ATP12A: variants seen among roughly 807,000 people sequenced by gnomAD.
The protein encoded by ATP12A is ATPase H+/K+ transporting non-gastric alpha2 subunit.
In ATP12A, 81 loss-of-function variants were observed where a neutral mutation model predicts 111.2. That is an observed-to-expected ratio of 0.73 (90% CI 0.61 to 0.88). The LOEUF (loss-of-function observed/expected upper bound fraction) is 0.88, where lower values mean the gene tolerates loss of function less well. Ranked by LOEUF, ATP12A falls within the 40% of genes least tolerant of loss-of-function variation. The probability of loss-of-function intolerance (pLI) is 0.00; values close to 1 mark genes in which losing one functional copy is unlikely to be tolerated. For missense variants in ATP12A, 1,196 were observed against 1,313.1 expected (o/e 0.91, Z 1.38); for synonymous variants, 498 against 499.8 (o/e 1.00, Z 0.05).
chr13:24,685,996 A>G lies in ATP12A; in HGVS notation c.228+623A>G, dbSNP rs987304486. On this transcript the variant is annotated intron_variant, in intron 3 of 22. Transcript: ENST00000381946. This position sits in a 1 kb window ranked among gnomAD's most constrained non-coding sequence, Gnocchi z 5.5. Reference sequence around the variant, plus strand: ...AGGAGCTGTCTTAGAGGCAGAAGGGACATGGTTTCCACACATGGAGGTGCT... The same window carrying G: ...AGGAGCTGTCTTAGAGGCAGAAGGGGCATGGTTTCCACACATGGAGGTGCT... Among the ~76,000 whole-genome samples, 1 of 152,218 alleles carries G rather than the reference A, an allele frequency of 6.6e-6. No homozygotes were observed.
intron 5 of ATP12A, 23 bp downstream of exon 5, chr13:24,689,398 C>T: frequency 1.9e-6 from 3 of 1,599,260 alleles, no homozygotes; most frequent in Non-Finnish European, 2.6e-6. Flanking sequence ...CACCTATCCT[C>T]TGGCCTCTGG....
rs1566078297 is a variant in ATP12A, at chr13:24,708,942, A to AAAGAAAGAAAGAAAGG, written c.2494-407_2494-406insGAAGAAAGAAAGAAAG. ...GAAAGAAAGAAAGAAAGAAAGAAAGAAAGAAAGAAAGAAAGAAAGAAGGAA... is the reference window on the plus strand; with the variant it reads ...GAAAGAAAGAAAGAAAGAAAGAAAGAAAGAAAGAAAGAAAGGAAGAAAGAAAGAAAGAAAGAAGGAA... On this transcript the variant is annotated intron_variant, in intron 17 of 22. Coordinates refer to ENST00000381946, the MANE Select transcript of ATP12A (RefSeq NM_001676.7). Among the ~76,000 whole-genome samples, 204 of 107,842 alleles carry AAAGAAAGAAAGAAAGG rather than the reference A, an allele frequency of 1.9e-3. 3 individuals are homozygous for AAAGAAAGAAAGAAAGG. Among genetic ancestry groups the AAAGAAAGAAAGAAAGG allele is most frequent in the African/African-American group, 2.5e-3 (63 of 24,864 alleles). The allele number at this position is 107,842 out of a possible 152,430, so 70.7% of individuals were successfully genotyped here.
chr13:24,684,557 G>A (rs1452405762), intron 2 of ATP12A, among the ~76,000 whole-genome samples: 1 of 152,030 alleles, frequency 6.6e-6, no homozygotes, highest in African/African-American at 2.4e-5. Context: ...GGTTCTCAAA[G>A]GGAGAGGAGA....
rs57405320 is a variant in ATP12A, at chr13:24,703,843, A to ATT, written c.2018+1784_2018+1785dup. Among the ~76,000 whole-genome samples the ATT allele has an allele frequency of 7.7e-4, 99 of 128,454 alleles. 1 individual carries two copies. The Middle Eastern group carries it at 0.017, about 22-fold the overall frequency. 84.3% of individuals were successfully genotyped at this position (128,454 alleles called of 152,430 possible). ...ACTGCACCCAGCTTCATTTTAGCAGATTTTTTTTTTTTTGAGATGGAGTCT... is the reference window on the plus strand; with the variant it reads ...ACTGCACCCAGCTTCATTTTAGCAGATTTTTTTTTTTTTTTGAGATGGAGTCT... On this transcript the variant is annotated intron_variant, in intron 14 of 22. Transcript: ENST00000381946.
intron 4 of ATP12A, 22 bp from the exon 5 acceptor site, chr13:24,689,240 T>A (rs748831310): frequency 6.2e-7 from 1 of 1,606,640 alleles, no homozygotes; most frequent in Non-Finnish European, 8.5e-7. Context: ...TTTCTCTGAC[T>A]GACGCCCTCC....
In ATP12A at chr13:24,685,393, G is replaced by T. The variant is rs1037535183; in HGVS notation, c.228+20G>T. Reference sequence around the variant, plus strand: ...ATTATGGTGAGTCGTGGGAACCAGGGATTTGGAAGAGAAGCCTCCCAACTC... The same window carrying T: ...ATTATGGTGAGTCGTGGGAACCAGGTATTTGGAAGAGAAGCCTCCCAACTC... On this transcript the variant is annotated intron_variant, in intron 3 of 22. Coordinates refer to ENST00000381946, the MANE Select transcript of ATP12A (RefSeq NM_001676.7). The surrounding 1 kb of genome is among the most constrained non-coding windows in gnomAD (Gnocchi z 5.5). 5.0e-6 allele frequency: 8 copies of T among 1,612,100 alleles called. No homozygotes were observed. In the African/African-American group the frequency reaches 1.1e-4, roughly 22 times the overall value.
At position 24,688,402 on chromosome 13, in the gene ATP12A, C is replaced by T. The variant is rs776434389; in HGVS notation, c.312C>T (p.Ile104=). 6.8e-6 allele frequency: 11 copies of T among 1,614,170 alleles called. No homozygotes were observed. Among genetic ancestry groups the T allele is most frequent in the East Asian group, 2.2e-5 (1 of 44,850 alleles). Reference sequence around the variant, plus strand: ...CCCCTCCCAAGCAGACGCCTGAGATCGTCAAGTTCCTCAAGCAGATGGTGG... The same window carrying T: ...CCCCTCCCAAGCAGACGCCTGAGATTGTCAAGTTCCTCAAGCAGATGGTGG... ...SLTPPKQTPE[I]VKFLKQMVGG... is the part of the protein sequence containing the mutation. Residue 104 remains isoleucine, a synonymous_variant, in exon 4 of 23, where the codon ATC becomes ATT. Transcript: ENST00000381946.
At position 24,680,514 on chromosome 13, in the gene ATP12A, G is replaced by T; in HGVS notation, c.-230G>T. 2.1e-6 allele frequency: 1 copy of T among 483,434 alleles called. No homozygotes were observed. Among genetic ancestry groups the T allele is most frequent in the African/African-American group, 2.1e-5 (1 of 48,654 alleles). 29.9% of individuals were successfully genotyped at this position (483,434 alleles called of 1,614,324 possible). A position where few individuals can be genotyped will look rare whatever the true frequency, so the allele number is the denominator to read the frequency against. Reference sequence around the variant, plus strand: ...GTCCGCTGGCCTGCGCCCTGGCGGGGACGTGGGCGGGGCGGGCGGCATTTA... The same window carrying T: ...GTCCGCTGGCCTGCGCCCTGGCGGGTACGTGGGCGGGGCGGGCGGCATTTA... On this transcript the variant is annotated 5_prime_UTR_variant, in exon 1 of 23. Coordinates refer to ENST00000381946, the MANE Select transcript of ATP12A (RefSeq NM_001676.7).
chr13:24,683,830 A>G (rs959868792), intron 2 of ATP12A, among the ~76,000 whole-genome samples: 1 of 152,338 alleles, frequency 6.6e-6, no homozygotes, highest in Middle Eastern at 3.4e-3. Context: ...AGCATTTAAG[A>G]TTGAAGACAT....
chr13:24,701,452 G>T (rs1173175449), intron 13 of ATP12A, among the ~76,000 whole-genome samples: 1 of 130,034 alleles, frequency 7.7e-6, no homozygotes, highest in East Asian at 2.3e-4. Flanking sequence ...AGTGAGCCGA[G>T]ATCACACCAT....
In ATP12A at chr13:24,701,993, G is replaced by A. The variant is rs1875419545; in HGVS notation, c.1940G>A (p.Gly647Glu). 1.2e-6 allele frequency: 2 copies of A among 1,614,192 alleles called. No individual in the cohort carries two copies. Among genetic ancestry groups the A allele is most frequent in the Non-Finnish European group, 8.5e-7 (1 of 1,180,046 alleles). The change falls in exon 14 of 23, where the codon GGG becomes GAG. Residue 647 changes from glycine to glutamate, a missense_variant. Coordinates refer to ENST00000381946, the MANE Select transcript of ATP12A (RefSeq NM_001676.7). ...GCCAAAGCTATTGCCAAGAGTGTGG[G>A]GATCATTTCAGCCAACAGTGAAACA... ...ITAKAIAKSVGIISANSETVE... is the reference protein window; with the variant it reads ...ITAKAIAKSVEIISANSETVE...
intron 2 of ATP12A, among the ~76,000 whole-genome samples, chr13:24,682,569 A>G (rs540836860): frequency 6.6e-6 from 1 of 152,298 alleles, no homozygotes; most frequent in South Asian, 2.1e-4. Flanking sequence ...CAGCTGCTTC[A>G]GTGAGAGTTA....
Position 24,704,159 on chromosome 13 carries a change from G to A in ATP12A, c.2018+2088G>A, listed in dbSNP as rs565665518. Among the ~76,000 whole-genome samples the A allele has an allele frequency of 2.0e-4, 31 of 152,144 alleles. No homozygotes were observed. The South Asian group carries it at 6.2e-3, about 31-fold the overall frequency. ...GTTACAGGCATGTGCCACCACACCC[G>A]GCTAGTTTTTGTACTTTTAGTAGAG... is the stretch of plus-strand genomic sequence containing the variant. On this transcript the variant is annotated intron_variant, in intron 14 of 22. Coordinates refer to ENST00000381946, the MANE Select transcript of ATP12A (RefSeq NM_001676.7).
intron 17 of ATP12A, among the ~76,000 whole-genome samples, chr13:24,708,963 A>AAGAAAGAG (rs1491294764): frequency 9.1e-6 from 1 of 109,704 alleles, no homozygotes; most frequent in Non-Finnish European, 1.9e-5. Context: ...GAAAGAAAGA[A>AAGAAAGAG]GGAAAGAGAA....
chr13:24,711,006 T>A, intron 21 of ATP12A, 113 bp downstream of exon 21: 1 of 966,858 alleles, frequency 1.0e-6, no homozygotes, highest in Non-Finnish European at 1.6e-6. Context: ...TCAAAAGACG[T>A]CAAACTGATC....
chr13:24,709,647 C>A lies in ATP12A; in HGVS notation c.2618-36C>A, dbSNP rs537679648. ...GGATGAGGCAGTTTCCTGAGGCCATCATAGAACCTGTGTCCTATCTCTCTT... is the reference window on the plus strand; with the variant it reads ...GGATGAGGCAGTTTCCTGAGGCCATAATAGAACCTGTGTCCTATCTCTCTT... On this transcript the variant is annotated intron_variant, in intron 18 of 22. Transcript: ENST00000381946. 87 of 1,609,006 alleles carry A rather than the reference C, an allele frequency of 5.4e-5. 1 individual carries two copies. The South Asian group carries it at 7.9e-4, about 15-fold the overall frequency.
intron 2 of ATP12A, among the ~76,000 whole-genome samples, chr13:24,682,959 C>CTTTTTTTTTTTTTTT (rs34361489): frequency 1.4e-5 from 2 of 139,038 alleles, no homozygotes; most frequent in Non-Finnish European, 1.6e-5. Flanking sequence ...TAAAACTAGC[C>CTTTTTTTTTTTTTTT]TTTTTTTTTT....
At chr13:24,688,203 G>A in intron 3 of ATP12A, 116 bp from the exon 4 acceptor site, 1 of 1,169,134 alleles carries the variant, frequency 8.6e-7, no homozygotes, top group Non-Finnish European at 1.2e-6. Flanking sequence ...ACCTTCTTTG[G>A]CCACGTTAAT....
At chr13:24,706,516 C>A in intron 15 of ATP12A, 53 bp downstream of exon 15, 1 of 1,593,132 alleles carries the variant, frequency 6.3e-7, no homozygotes, top group East Asian at 2.2e-5. Context: ...TGTCCATGGG[C>A]AAGTGCAGAG....
Sources: allele counts gnomAD v4.1 joint callset (sites outside exome capture counted in the v4.1 genomes callset), GRCh38; gene constraint gnomAD v4.1.1; non-coding constraint Gnocchi (gnomAD v3.1); transcripts MANE v1.5; gene names NCBI Gene and HGNC (gene_info 2026-07-23, HGNC 2026-07-21).